The following HLCS variants were observed in gnomAD, a reference collection of about 807,000 sequenced individuals.
HLCS encodes the protein biotin--protein ligase.
Under a neutral mutation model 75.0 loss-of-function variants are expected in HLCS, and 53 were observed. That is an observed-to-expected ratio of 0.71 (90% CI 0.57 to 0.89). The LOEUF is 0.89. Ranked by LOEUF, HLCS falls within the 40% of genes least tolerant of loss-of-function variation. The pLI is 0.00. For missense variants in HLCS, 966 were observed against 1,074.0 expected, an observed-to-expected ratio of 0.90 and a Z score of 1.41; for synonymous variants, 431 against 428.6, an observed-to-expected ratio of 1.01 and a Z score of -0.07.
rs150665851 is a variant in HLCS, at chr21:36,756,630, C to T, written c.2362G>A (p.Val788Met). The change falls in exon 10 of 11, where the codon GTG becomes ATG. Residue 788 changes from valine (V) to methionine (M), a missense_variant. Transcript: ENST00000674895. The part of the protein sequence containing the change: ...LRADYLIARV[V>M]TVLEKLIKEF... ...TTGATCAGTTTCTCCAGCACAGTCA[C>T]GACTCTGGCGATGAGATAATCGGCT... 6,823 of 1,614,128 alleles carry T rather than the reference C, an allele frequency of 4.2e-3. 22 individuals carry two copies. The highest frequency in any genetic ancestry group is 4.2e-3 in the Non-Finnish European group (4,944 of 1,180,040).
chr21:36,799,836 G>A (rs995402474), intron 6 of HLCS, among the ~76,000 whole-genome samples: 1 of 152,150 alleles, frequency 6.6e-6, no homozygotes, highest in East Asian at 1.9e-4. Context: ...CAGCCCAGAG[G>A]CTCAGAAAGT....
chr21:36,866,581 A>G (rs1411982585), intron 6 of HLCS, among the ~76,000 whole-genome samples: 1 of 152,172 alleles, frequency 6.6e-6, no homozygotes, highest in East Asian at 1.9e-4. Flanking sequence ...TTACACGACT[A>G]TTTTCATGAC....
Position 36,966,645 on chromosome 21 carries a change from G to A in HLCS, c.-7C>T. On this transcript the variant is annotated 5_prime_UTR_variant, in exon 1 of 11. Transcript: ENST00000674895. ...AGCACAGCGTGATGAGCATGGCCGC[G>A]CCGCCGGCAGGGCGAGCCCGCCTTG... is the stretch of plus-strand genomic sequence containing the variant. 1 of 979,254 alleles carries A rather than the reference G, an allele frequency of 1.0e-6. No individual in the cohort carries two copies. The highest frequency in any genetic ancestry group is 1.2e-6 in the Non-Finnish European group (1 of 826,654). The allele number at this position is 979,254 out of a possible 1,614,324, so 60.7% of individuals were successfully genotyped here.
chr21:36,849,060 T>C (rs960795478), intron 6 of HLCS, among the ~76,000 whole-genome samples: 2 of 152,244 alleles, frequency 1.3e-5, no homozygotes, highest in Non-Finnish European at 2.9e-5. Flanking sequence ...ATTCTTGTTA[T>C]ACATGGAAAT....
At chr21:36,882,831 A>C (rs1415632861) in intron 6 of HLCS, among the ~76,000 whole-genome samples, 1 of 151,918 alleles carries the variant, frequency 6.6e-6, no homozygotes, top group Non-Finnish European at 1.5e-5. Flanking sequence ...TTAAACTGAA[A>C]ACTCTATTAG....
At chr21:36,863,963 C>T (rs1159475039) in intron 6 of HLCS, among the ~76,000 whole-genome samples, 1 of 152,140 alleles carries the variant, frequency 6.6e-6, no homozygotes, top group Non-Finnish European at 1.5e-5. Context: ...AAAAGTTTTC[C>T]GTCTAAGCTA....
At chr21:36,928,346 A>G (rs1301684731) in intron 5 of HLCS, among the ~76,000 whole-genome samples, 2 of 152,224 alleles carry the variant, frequency 1.3e-5, no homozygotes, top group Non-Finnish European at 2.9e-5. Context: ...AGGCAGGCAG[A>G]TTGCTTGAAC....
intron 3 of HLCS, 41 bp downstream of exon 3, chr21:36,938,791 A>G (rs767603121): frequency 1.3e-6 from 2 of 1,596,910 alleles, no homozygotes; most frequent in Non-Finnish European, 8.6e-7. Context: ...GGCATGAGCC[A>G]CTATGCCTGG....
intron 6 of HLCS, among the ~76,000 whole-genome samples, chr21:36,838,070 T>C (rs756743306): frequency 2.0e-5 from 3 of 152,164 alleles, no homozygotes; most frequent in African/African-American, 7.2e-5. Flanking sequence ...TTTTAGGTCA[T>C]TTCATCCCAT....
intron 6 of HLCS, among the ~76,000 whole-genome samples, chr21:36,831,179 C>T (rs2062196940): frequency 1.3e-5 from 2 of 152,062 alleles, no homozygotes; most frequent in African/African-American, 4.8e-5. Context: ...TTTTTTTTAA[C>T]ATTGTTTCCT....
chr21:36,869,283 C>G (rs181637752), intron 6 of HLCS, among the ~76,000 whole-genome samples: 8 of 152,176 alleles, frequency 5.3e-5, no homozygotes, highest in Non-Finnish European at 1.2e-4. Context: ...CGCCACCACG[C>G]CCGGCTAATC....
At position 36,937,317 on chromosome 21, in the gene HLCS, G is replaced by GCAA. The variant is rs1569218906; in HGVS notation, c.568_569insTTG (p.Pro190delinsLeuAla). 11 of 1,613,968 alleles carry GCAA rather than the reference G, an allele frequency of 6.8e-6. No homozygotes were observed. The highest frequency in any genetic ancestry group is 1.6e-4 in the Middle Eastern group (1 of 6,084). On this transcript the variant is annotated protein_altering_variant, in exon 4 of 11. Transcript: ENST00000674895. ...AATCTCAAGAGAAGGTTCAGGCTTC[G>GCAA]GCTCTAGGATCTGGGCTTGCTTGTT...
intron 5 of HLCS, 30 bp from the exon 6 acceptor site, chr21:36,897,161 C>T (rs552774813): frequency 3.7e-6 from 6 of 1,613,190 alleles, no homozygotes; most frequent in Admixed American, 1.7e-5. Context: ...ATGAGATGGT[C>T]GTAATTTGGC....
chr21:36,874,511 G>T (rs1601590204), intron 6 of HLCS, among the ~76,000 whole-genome samples: 1 of 152,108 alleles, frequency 6.6e-6, no homozygotes, highest in East Asian at 1.9e-4. Context: ...TCTTGTTAAT[G>T]CCAGTACCAT....
chr21:36,987,759 T>C (rs906524661), intron 1 of HLCS, among the ~76,000 whole-genome samples: 2 of 152,202 alleles, frequency 1.3e-5, no homozygotes, highest in Non-Finnish European at 2.9e-5. Flanking sequence ...TCACTCCATA[T>C]TTTTATCTTT....
At chr21:36,859,211 CG>C (rs1179052124) in intron 6 of HLCS, among the ~76,000 whole-genome samples, 1 of 151,892 alleles carries the variant, frequency 6.6e-6, no homozygotes, top group Non-Finnish European at 1.5e-5. Flanking sequence ...TTAGTAGAGA[CG>C]GGGTTTCACC....
rs986109214 is a variant in HLCS at position 36,749,655 on chromosome 21, A to T, written c.*4591T>A. The T allele has an allele frequency of 6.6e-6, 1 of 152,138 alleles. No individual in the cohort carries two copies. The highest frequency in any genetic ancestry group is 1.5e-5 in the Non-Finnish European group (1 of 68,032). The allele number at this position is 152,138 out of a possible 1,614,324, so 9.4% of individuals were successfully genotyped here. On this transcript the variant is annotated 3_prime_UTR_variant, in exon 11 of 11. Transcript: ENST00000674895. ...TATACCTCATTCACAGCTCCTTGTG[A>T]GTGTGTGCACAGGAAATAAGCCGAG...
chr21:36,941,883 T>C (rs1457225230), intron 2 of HLCS, among the ~76,000 whole-genome samples: 2 of 152,080 alleles, frequency 1.3e-5, no homozygotes, highest in Non-Finnish European at 2.9e-5. Flanking sequence ...GGCGGGTGCC[T>C]GTAATCCCAG....
rs2066916210 is a variant in HLCS, at chr21:36,936,937, A to G, written c.949T>C (p.Ser317Pro). 6.2e-7 allele frequency: 1 copy of G among 1,614,128 alleles called. No homozygotes were observed. The highest frequency in any genetic ancestry group is 1.1e-5 in the South Asian group (1 of 91,078). ...KAPNILLYVGSDSQEALGRFH... is the reference protein window; with the variant it reads ...KAPNILLYVGPDSQEALGRFH... ...CGGCCGAGGGCTTCCTGGGAGTCGG[A>G]GCCCACATAGAGGAGGATGTTGGGT... Residue 317 changes from serine (S) to proline (P), a missense_variant, in exon 4 of 11, where the codon TCC becomes CCC. Coordinates refer to ENST00000674895, the MANE Select transcript of HLCS (RefSeq NM_001352514.2).
Sources: allele counts gnomAD v4.1 joint callset (sites outside exome capture counted in the v4.1 genomes callset), GRCh38; gene constraint gnomAD v4.1.1; transcripts MANE v1.5; gene names NCBI Gene and HGNC (gene_info 2026-07-23, HGNC 2026-07-21).